Variants in MPHOSPH9 observed in about 807,000 individuals in gnomAD.
MPHOSPH9 encodes the protein M-phase phosphoprotein 9.
MPHOSPH9 carries 88 observed loss-of-function variants against 145.5 expected under a neutral mutation model. The observed-to-expected ratio is 0.60, with a 90% CI of 0.51 to 0.72. MPHOSPH9 has a LOEUF of 0.72. MPHOSPH9 is among the 30% of genes least tolerant of loss of function. The probability of loss-of-function intolerance (pLI) is 0.00; values close to 1 mark genes in which losing one functional copy is unlikely to be tolerated. For missense variants in MPHOSPH9, 1,238 were observed against 1,386.6 expected (o/e 0.89, Z 1.70); for synonymous variants, 435 against 486.2 (o/e 0.89, Z 1.39).
At chr12:123,161,003 C>T (rs990241729) in intron 22 of MPHOSPH9, 133 bp downstream of exon 22, 2 of 1,346,766 alleles carry the variant, frequency 1.5e-6, no homozygotes, top group Non-Finnish European at 2.0e-6. Context: ...GGCTCAAATC[C>T]GTTGCTAGCA....
intron 13 of MPHOSPH9, among the ~76,000 whole-genome samples, chr12:123,192,509 T>C (rs1040382581): frequency 1.1e-4 from 16 of 149,008 alleles, no homozygotes; most frequent in Non-Finnish European, 1.8e-4. Context: ...GTGCCTATGG[T>C]CCTAGCAACT....
chr12:123,208,705 G>A lies in MPHOSPH9; in HGVS notation c.1194+1351C>T, dbSNP rs375812983. 1.6e-4 allele frequency among the ~76,000 whole-genome samples: 24 copies of A among 151,880 alleles called. No homozygotes were observed. The East Asian group carries it at 4.1e-3, about 26-fold the overall frequency. On this transcript the variant is annotated intron_variant, in intron 8 of 23. Coordinates refer to ENST00000606320, the MANE Select transcript of MPHOSPH9 (RefSeq NM_022782.4). ...GGACCTACTACATATGAAATAGTAG[G>A]CACAATCCATTTAATTTCACAAAAC...
At chr12:123,163,163 CT>C in intron 19 of MPHOSPH9, 29 bp from the exon 20 acceptor site, 1 of 1,553,852 alleles carries the variant, frequency 6.4e-7, no homozygotes, top group Non-Finnish European at 8.7e-7. Flanking sequence ...AGGAAATATT[CT>C]TTTCCTTCTA....
At chr12:123,176,042 GCTC>G (rs1368815446) in intron 16 of MPHOSPH9, among the ~76,000 whole-genome samples, 3 of 151,864 alleles carry the variant, frequency 2.0e-5, no homozygotes, top group African/African-American at 7.3e-5. Context: ...CCTAGAAAAA[GCTC>G]CTCATTTGAC....
Position 123,194,758 on chromosome 12 carries a change from T to G in MPHOSPH9, c.2026-157A>C, listed in dbSNP as rs567317750. On this transcript the variant is annotated intron_variant, in intron 12 of 23. Coordinates refer to ENST00000606320, the MANE Select transcript of MPHOSPH9 (RefSeq NM_022782.4). ...TGCCTCAGCCTCCCGAGAGCTGCGA[T>G]TACAGGCGCCCACCATCACCCCTGG... is the stretch of plus-strand genomic sequence containing the variant. 2.0e-5 allele frequency among the ~76,000 whole-genome samples: 3 copies of G among 151,824 alleles called. No individual in the cohort carries two copies. In the South Asian group the frequency reaches 6.3e-4, roughly 32 times the overall value.
Position 123,202,740 on chromosome 12 carries a change from T to C in MPHOSPH9, c.1665A>G (p.Glu555=). ...AGGCCGAAGCAACCATGACAGTGTT[T>C]TCTTCATCTACAGTGTTGACCGAGA... ...NDISVNTVDE[E]NTVMVASASV... The change falls in exon 10 of 24, where the codon GAA becomes GAG. Residue 555 remains glutamate, a synonymous_variant. Coordinates refer to ENST00000606320, the MANE Select transcript of MPHOSPH9 (RefSeq NM_022782.4). 6.2e-7 allele frequency: 1 copy of C among 1,614,226 alleles called. No homozygotes were observed. Among genetic ancestry groups the C allele is most frequent in the Non-Finnish European group, 8.5e-7 (1 of 1,180,030 alleles).
chr12:123,155,957 A>G lies in MPHOSPH9; in HGVS notation c.*850T>C, dbSNP rs1172693857. 8 of 152,292 alleles carry G rather than the reference A, an allele frequency of 5.3e-5. No homozygotes were observed. The highest frequency in any genetic ancestry group is 6.5e-5 in the Admixed American group (1 of 15,286). The allele number at this position is 152,292 out of a possible 1,614,324, so 9.4% of individuals were successfully genotyped here. On this transcript the variant is annotated 3_prime_UTR_variant, in exon 24 of 24. Transcript: ENST00000606320. ...GGGTGAACATATCCAGATGACAACT[A>G]TGACGGACAGCTGAAGCCATGCACA...
intron 4 of MPHOSPH9, 117 bp from the exon 5 acceptor site, chr12:123,222,012 TG>T: frequency 1.9e-5 from 13 of 686,468 alleles, no homozygotes; most frequent in Non-Finnish European, 3.1e-5. Context: ...AAAGATAATG[TG>T]ATACTTTATC....
chr12:123,240,805 C>T (rs2047922965), intron 1 of MPHOSPH9: 1 of 145,082 alleles, frequency 6.9e-6, no homozygotes, highest in South Asian at 2.1e-4. Context: ...GTGATCTTGG[C>T]TCACCACAAC....
rs1168761242 is a variant in MPHOSPH9, at chr12:123,230,272, T to C, written c.93A>G (p.Leu31=). ...ENSLHSLGLN[L]NTDRSSPHLS... ...AATCCCATTCTTACCTATCAGTATT[T>C]AAGTTCAGTCCAAGAGAATGAAGAG... Residue 31 remains leucine, a synonymous_variant, in exon 2 of 24, where the codon TTA becomes TTG. Coordinates refer to ENST00000606320, the MANE Select transcript of MPHOSPH9 (RefSeq NM_022782.4). 1 of 1,513,796 alleles carries C rather than the reference T, an allele frequency of 6.6e-7. No homozygotes were observed. Among genetic ancestry groups the C allele is most frequent in the South Asian group, 1.2e-5 (1 of 82,522 alleles). 93.8% of individuals were successfully genotyped at this position (1,513,796 alleles called of 1,614,324 possible).
Position 123,173,193 on chromosome 12 carries a change from C to T in MPHOSPH9, c.2456+3495G>A, listed in dbSNP as rs540478800. Among the ~76,000 whole-genome samples, 4 of 152,172 alleles carry T rather than the reference C, an allele frequency of 2.6e-5. No individual in the cohort carries two copies. The South Asian group carries it at 8.3e-4, about 32-fold the overall frequency. ...GCCCAGCCTGCATTCACTCGAGTACCCTCTGAATGGGCTTCTACTGTTATC... is the reference window on the plus strand; with the variant it reads ...GCCCAGCCTGCATTCACTCGAGTACTCTCTGAATGGGCTTCTACTGTTATC... On this transcript the variant is annotated intron_variant, in intron 16 of 23. Transcript: ENST00000606320.
At chr12:123,227,747 T>A in intron 2 of MPHOSPH9, 131 bp from the exon 3 acceptor site, 2 of 729,260 alleles carry the variant, frequency 2.7e-6, no homozygotes, top group Non-Finnish European at 3.9e-6. Flanking sequence ...CCTCATTTGT[T>A]CAAAATCTGA....
intron 1 of MPHOSPH9, among the ~76,000 whole-genome samples, chr12:123,232,452 G>A (rs2047693403): frequency 6.6e-6 from 1 of 152,080 alleles, no homozygotes; most frequent in African/African-American, 2.4e-5. Context: ...AAGATATGAC[G>A]CTTTTGGTGT....
chr12:123,184,339 A>G (rs979031278), intron 13 of MPHOSPH9, among the ~76,000 whole-genome samples: 2 of 151,928 alleles, frequency 1.3e-5, no homozygotes, highest in East Asian at 1.9e-4. Context: ...ACAACCCCAG[A>G]AAAAAAACCT....
chr12:123,183,672 T>A (rs2045308702), intron 13 of MPHOSPH9, among the ~76,000 whole-genome samples: 1 of 150,450 alleles, frequency 6.6e-6, no homozygotes, highest in Non-Finnish European at 1.5e-5. Context: ...AGCATAACTG[T>A]GAGAGATGCC....
At position 123,165,553 on chromosome 12, in the gene MPHOSPH9, A is replaced by G. The variant is rs541295525; in HGVS notation, c.2592-76T>C. On this transcript the variant is annotated intron_variant, in intron 17 of 23. Coordinates refer to ENST00000606320, the MANE Select transcript of MPHOSPH9 (RefSeq NM_022782.4). The stretch of plus-strand genomic sequence containing the variant: ...CTTGCCCCCCGCCCCCACACCAAAC[A>G]TACATGTTGAAGCCCTAATCTTCAA... 5 of 1,290,100 alleles carry G rather than the reference A, an allele frequency of 3.9e-6. No individual in the cohort carries two copies. The African/African-American group carries it at 4.4e-5, about 11-fold the overall frequency. The allele number at this position is 1,290,100 out of a possible 1,614,324, so 79.9% of individuals were successfully genotyped here.
intron 7 of MPHOSPH9, among the ~76,000 whole-genome samples, chr12:123,213,007 C>A (rs1275870922): frequency 2.6e-5 from 4 of 151,228 alleles, no homozygotes; most frequent in Non-Finnish European, 5.9e-5. Flanking sequence ...TTACAGGCGG[C>A]CGCCACCAAG....
intron 3 of MPHOSPH9, among the ~76,000 whole-genome samples, chr12:123,227,141 A>G (rs913464700): frequency 2.1e-4 from 32 of 152,224 alleles, no homozygotes; most frequent in African/African-American, 7.5e-4. Flanking sequence ...ACAATTCCAT[A>G]TAAGTTACTG....
At chr12:123,222,609 G>A (rs11057199) in intron 4 of MPHOSPH9, among the ~76,000 whole-genome samples, 3,070 of 151,614 alleles carry the variant, frequency 0.02, 41 homozygotes, top group Non-Finnish European at 0.031. Flanking sequence ...AGCCAAGACC[G>A]TGCCATTGCA....
Sources: allele counts gnomAD v4.1 joint callset (sites outside exome capture counted in the v4.1 genomes callset), GRCh38; gene constraint gnomAD v4.1.1; transcripts MANE v1.5; gene names NCBI Gene and HGNC (gene_info 2026-07-23, HGNC 2026-07-21).